Variants in NOX4 observed in about 807,000 individuals in gnomAD.
NOX4 encodes kidney oxidase-1.
NOX4 carries 69 observed loss-of-function variants against 87.6 expected under a neutral mutation model. The observed-to-expected ratio is 0.79, with a 90% CI of 0.65 to 0.96. NOX4 has a LOEUF of 0.96. Ranked by LOEUF, NOX4 falls within the 40% of genes least tolerant of loss-of-function variation. The pLI is 0.00. For missense variants in NOX4, 680 were observed against 681.5 expected (o/e 1.00, Z 0.02); for synonymous variants, 275 against 238.2 (o/e 1.15, Z -1.42).
chr11:89,540,636 A>C, the NOX4 span, among the ~76,000 whole-genome samples: 849 of 151,620 alleles, frequency 5.6e-3, 8 homozygotes, highest in African/African-American at 0.02. Context: ...AAATACAAAA[A>C]AATTAGCCGG....
At chr11:89,384,149 T>C (rs1940510679) in intron 11 of NOX4, among the ~76,000 whole-genome samples, 1 of 152,174 alleles carries the variant, frequency 6.6e-6, no homozygotes, top group Non-Finnish European at 1.5e-5. Context: ...GTTTTGCCTA[T>C]CCACCCCATG....
At chr11:89,362,237 A>G (rs1201927231) in intron 12 of NOX4, among the ~76,000 whole-genome samples, 1 of 151,956 alleles carries the variant, frequency 6.6e-6, no homozygotes, top group Non-Finnish European at 1.5e-5. Context: ...GGTGCTTCAT[A>G]GATCTCCACT....
the NOX4 span, among the ~76,000 whole-genome samples, chr11:89,509,006 C>T: frequency 2.6e-5 from 4 of 152,024 alleles, no homozygotes; most frequent in African/African-American, 9.7e-5. Flanking sequence ...CAATTCAAAT[C>T]ATGATGTCAC....
the NOX4 span, among the ~76,000 whole-genome samples, chr11:89,508,785 C>T: frequency 6.6e-6 from 1 of 152,010 alleles, no homozygotes; most frequent in Admixed American, 6.6e-5. Flanking sequence ...ATAATTAACC[C>T]CATTTTGCAG....
chr11:89,525,290 C>T, the NOX4 span, among the ~76,000 whole-genome samples: 1 of 152,152 alleles, frequency 6.6e-6, no homozygotes, highest in East Asian at 1.9e-4. Context: ...TTATAAGAAA[C>T]TGCCAAAGAG....
chr11:89,340,625 C>T (rs1945945857), intron 14 of NOX4, among the ~76,000 whole-genome samples: 4 of 152,114 alleles, frequency 2.6e-5, no homozygotes, highest in Admixed American at 2.6e-4. Context: ...CAAAATGAGC[C>T]AAAACCATTC....
intron 13 of NOX4, among the ~76,000 whole-genome samples, chr11:89,351,107 A>G (rs1946437271): frequency 6.6e-6 from 1 of 152,258 alleles, no homozygotes; most frequent in Non-Finnish European, 1.5e-5. Flanking sequence ...GTGCTACTTC[A>G]GTGAACATAT....
chr11:89,348,342 G>A (rs1022568706), intron 13 of NOX4, among the ~76,000 whole-genome samples: 1 of 151,962 alleles, frequency 6.6e-6, no homozygotes, highest in Non-Finnish European at 1.5e-5. Context: ...TTGAATCTGG[G>A]AGGCAGAAGC....
At chr11:89,557,165 A>T in the NOX4 span, 2 of 152,158 alleles carry the variant, frequency 1.3e-5, no homozygotes, top group Non-Finnish European at 2.9e-5. Context: ...TATCTAAAAT[A>T]ATTGCTGGCT....
chr11:89,387,480 G>A (rs1940796758), intron 11 of NOX4, among the ~76,000 whole-genome samples: 1 of 152,052 alleles, frequency 6.6e-6, no homozygotes, highest in Non-Finnish European at 1.5e-5. Flanking sequence ...GACTCAGCCT[G>A]CCTGTACCCA....
chr11:89,344,499 A>C (rs1461714049), intron 13 of NOX4, among the ~76,000 whole-genome samples: 30 of 152,178 alleles, frequency 2.0e-4, no homozygotes, highest in Admixed American at 2.0e-3. Context: ...GCAGTGAGCT[A>C]TGATCACACC....
chr11:89,429,123 A>G (rs1341572965), intron 7 of NOX4, among the ~76,000 whole-genome samples: 4 of 152,288 alleles, frequency 2.6e-5, no homozygotes, highest in South Asian at 2.1e-4. Context: ...GGTACATAAC[A>G]AAATGAAGGC....
At chr11:89,503,732 C>T in the NOX4 span, among the ~76,000 whole-genome samples, 5 of 150,836 alleles carry the variant, frequency 3.3e-5, no homozygotes, top group Non-Finnish European at 4.4e-5. Context: ...ATTAATGGGA[C>T]AGGCTAGACA....
chr11:89,468,928 C>T (rs2135436899), intron 2 of NOX4, among the ~76,000 whole-genome samples: 1 of 152,100 alleles, frequency 6.6e-6, no homozygotes, highest in Non-Finnish European at 1.5e-5. Context: ...TTATTTTTGT[C>T]TATTTTGCCT....
chr11:89,369,257 CAA>C (rs1939253264), intron 12 of NOX4, among the ~76,000 whole-genome samples: 1 of 151,886 alleles, frequency 6.6e-6, no homozygotes, highest in Non-Finnish European at 1.5e-5. Flanking sequence ...TGAAAAAATA[CAA>C]AGAGTGGAAG....
chr11:89,502,683 T>C (rs1417190142), upstream of NOX4, among the ~76,000 whole-genome samples: 1 of 152,014 alleles, frequency 6.6e-6, no homozygotes, highest in Non-Finnish European at 1.5e-5. Context: ...ATTACAACAA[T>C]ATGAATTGAT....
At chr11:89,412,334 C>T (rs558338275) in intron 8 of NOX4, among the ~76,000 whole-genome samples, 7 of 152,196 alleles carry the variant, frequency 4.6e-5, no homozygotes, top group African/African-American at 1.7e-4. Context: ...TAAATATTTA[C>T]AGAACATTTT....
intron 8 of NOX4, among the ~76,000 whole-genome samples, chr11:89,415,473 T>A (rs1260112403): frequency 2.6e-5 from 4 of 152,108 alleles, no homozygotes; most frequent in Non-Finnish European, 4.4e-5. Flanking sequence ...AAATCTAGCT[T>A]TAAAAACTTC....
At chr11:89,444,278 C>A in intron 4 of NOX4, 46 bp from the exon 5 acceptor site, 1 of 1,511,690 alleles carries the variant, frequency 6.6e-7, no homozygotes, top group South Asian at 1.1e-5. Context: ...TGCATATATG[C>A]TCTATGTCAA....
Sources: allele counts gnomAD v4.1 joint callset (sites outside exome capture counted in the v4.1 genomes callset), GRCh38; gene constraint gnomAD v4.1.1; transcripts MANE v1.5; gene names NCBI Gene and HGNC (gene_info 2026-07-23, HGNC 2026-07-21).